Variants in MAN1C1 observed in about 807,000 individuals in gnomAD.
The protein encoded by MAN1C1 is mannosidase alpha class 1C member 1.
In MAN1C1, 49 loss-of-function variants were observed where a neutral mutation model predicts 71.5. The ratio of observed to expected loss-of-function variants is 0.69; its 90% CI spans 0.54 to 0.87. The LOEUF is 0.87. Among genes scored for constraint, MAN1C1 ranks in the 40% least tolerant of loss-of-function variants. MAN1C1 has a pLI of 0.00. For synonymous variants in MAN1C1, 352 were observed against 343.7 expected, an observed-to-expected ratio of 1.02 and a Z score of -0.27; for missense variants, 743 against 835.0, an observed-to-expected ratio of 0.89 and a Z score of 1.36.
intron 1 of MAN1C1, among the ~76,000 whole-genome samples, chr1:25,647,959 T>A (rs949234498): frequency 2.0e-5 from 3 of 152,074 alleles, no homozygotes; most frequent in African/African-American, 7.2e-5. Context: ...AGGGCTATCC[T>A]CCCACCCCTT....
At chr1:25,652,506 G>A (rs1557749834) in intron 1 of MAN1C1, among the ~76,000 whole-genome samples, 3 of 152,216 alleles carry the variant, frequency 2.0e-5, no homozygotes, top group Non-Finnish European at 2.9e-5. Flanking sequence ...GCATGGGGCC[G>A]AGTTGCTGGC....
At chr1:25,661,896 T>G (rs1271295183) in intron 1 of MAN1C1, among the ~76,000 whole-genome samples, 1 of 152,238 alleles carries the variant, frequency 6.6e-6, no homozygotes, top group Non-Finnish European at 1.5e-5. Flanking sequence ...CATCAGGTGC[T>G]ATAAGCTCTA....
chr1:25,769,253 GAC>G lies in MAN1C1; in HGVS notation c.1142-2393_1142-2392del, dbSNP rs142062930. ...TCATACACTACACACCACACTCCTT[GAC>G]ACACACACACTCTCCCTACACACAC... On this transcript the variant is annotated intron_variant, in intron 7 of 11. Coordinates refer to ENST00000374332, the MANE Select transcript of MAN1C1 (RefSeq NM_020379.4). This position sits in a 1 kb window ranked among gnomAD's most constrained non-coding sequence, Gnocchi z 4.8. 4.9e-3 allele frequency among the ~76,000 whole-genome samples: 709 copies of G among 145,922 alleles called. 3 individuals are homozygous for G. Among genetic ancestry groups the G allele is most frequent in the African/African-American group, 0.014 (542 of 39,706 alleles).
intron 2 of MAN1C1, among the ~76,000 whole-genome samples, chr1:25,707,483 A>G (rs1226933240): frequency 6.6e-6 from 1 of 152,248 alleles, no homozygotes; most frequent in Non-Finnish European, 1.5e-5. Flanking sequence ...GGGCTTTTAA[A>G]GGGTGCAGAC....
intron 1 of MAN1C1, among the ~76,000 whole-genome samples, chr1:25,671,745 C>CA (rs1388171402): frequency 6.6e-6 from 1 of 152,196 alleles, no homozygotes. Context: ...CACAAAAACT[C>CA]AGTGACTTAG....
intron 2 of MAN1C1, among the ~76,000 whole-genome samples, chr1:25,691,280 G>A (rs1483557396): frequency 6.6e-6 from 1 of 152,110 alleles, no homozygotes; most frequent in Non-Finnish European, 1.5e-5. Flanking sequence ...TCGCGCCACT[G>A]CCCTCCAGCC....
Position 25,783,735 on chromosome 1 carries a change from C to T in MAN1C1, c.1839C>T (p.His613=), listed in dbSNP as rs1276853525. ...LEDWVFNTEA[H]PLPVNHSDSS... is the part of the protein sequence containing the mutation. ...ACTGGGTGTTCAACACCGAGGCCCA[C>T]CCACTCCCGGTGAACCACTCAGACA... Residue 613 remains histidine (H), a synonymous_variant, in exon 12 of 12, where the codon CAC becomes CAT. Transcript: ENST00000374332. 6.2e-7 allele frequency: 1 copy of T among 1,613,296 alleles called. No individual in the cohort carries two copies. The highest frequency in any genetic ancestry group is 8.5e-7 in the Non-Finnish European group (1 of 1,180,028).
chr1:25,714,002 G>C (rs2046647442), intron 2 of MAN1C1, among the ~76,000 whole-genome samples: 1 of 152,102 alleles, frequency 6.6e-6, no homozygotes, highest in African/African-American at 2.4e-5. Flanking sequence ...ATTTTTAAAA[G>C]GGGAAAAAAA....
intron 1 of MAN1C1, among the ~76,000 whole-genome samples, chr1:25,622,797 A>G (rs2045234420): frequency 6.6e-6 from 1 of 152,232 alleles, no homozygotes; most frequent in African/African-American, 2.4e-5. Flanking sequence ...CAGTGTCTGA[A>G]TAAGTCATCT....
At position 25,676,794 on chromosome 1, in the gene MAN1C1, C is replaced by G. The variant is rs375942890; in HGVS notation, c.541-9646C>G. ...GGTTCTGGGTCACTGCCAGAGCCAGCCTTGTGTGTATGTGTGTGATTTTTT... is the reference window on the plus strand; with the variant it reads ...GGTTCTGGGTCACTGCCAGAGCCAGGCTTGTGTGTATGTGTGTGATTTTTT... On this transcript the variant is annotated intron_variant, in intron 1 of 11. Transcript: ENST00000374332. Among the ~76,000 whole-genome samples the G allele has an allele frequency of 4.6e-5, 7 of 152,268 alleles. No individual in the cohort carries two copies. The East Asian group carries it at 7.7e-4, about 17-fold the overall frequency.
At chr1:25,653,481 G>A (rs1033318817) in intron 1 of MAN1C1, among the ~76,000 whole-genome samples, 2 of 152,166 alleles carry the variant, frequency 1.3e-5, no homozygotes, top group African/African-American at 2.4e-5. Flanking sequence ...GTGACTACTC[G>A]TGTGGCCCTA....
chr1:25,781,449 A>T (rs1369452865), intron 10 of MAN1C1, among the ~76,000 whole-genome samples: 2 of 152,140 alleles, frequency 1.3e-5, no homozygotes, highest in Non-Finnish European at 2.9e-5. Context: ...CCGCTGTCCC[A>T]ACAGACGCTT....
At chr1:25,740,749 T>TA (rs998653789) in intron 2 of MAN1C1, among the ~76,000 whole-genome samples, 3 of 151,916 alleles carry the variant, frequency 2.0e-5, no homozygotes, top group Admixed American at 2.0e-4. Context: ...TTGAATTTTT[T>TA]AAAAAATCTC....
At chr1:25,774,609 C>T (rs551306043) in intron 8 of MAN1C1, among the ~76,000 whole-genome samples, 1 of 152,316 alleles carries the variant, frequency 6.6e-6, no homozygotes, top group South Asian at 2.1e-4. Flanking sequence ...AATATCCTCT[C>T]CTTTAATCCT....
In MAN1C1 at chr1:25,617,026, C is replaced by G. The variant is rs2045108054; in HGVS notation, c.-772C>G. 6.6e-6 allele frequency among the ~76,000 whole-genome samples: 1 copy of G among 151,778 alleles called. No individual in the cohort carries two copies. The highest frequency in any genetic ancestry group is 6.6e-5 in the Admixed American group (1 of 15,256). Reference sequence around the variant, plus strand: ...CCCTGCCGAGTTCGAGGGGCGGGAGCCCGCGCTCCCGGGCGCATCTGCAGC... The same window carrying G: ...CCCTGCCGAGTTCGAGGGGCGGGAGGCCGCGCTCCCGGGCGCATCTGCAGC... On this transcript the variant is annotated 5_prime_UTR_variant, in exon 1 of 12. Coordinates refer to ENST00000374332, the MANE Select transcript of MAN1C1 (RefSeq NM_020379.4). The surrounding 1 kb of genome is among the most constrained non-coding windows in gnomAD (Gnocchi z 5.1).
intron 2 of MAN1C1, among the ~76,000 whole-genome samples, chr1:25,740,955 G>A (rs1386330668): frequency 6.6e-6 from 1 of 152,052 alleles, no homozygotes; most frequent in Non-Finnish European, 1.5e-5. Context: ...AGGATTTGCT[G>A]CAGGACTGGA....
At chr1:25,732,184 C>T (rs756325461) in intron 2 of MAN1C1, among the ~76,000 whole-genome samples, 4 of 152,098 alleles carry the variant, frequency 2.6e-5, no homozygotes, top group Non-Finnish European at 5.9e-5. Context: ...TGCAGGGGGG[C>T]CTTGCTCCAG....
At position 25,778,385 on chromosome 1, in the gene MAN1C1, G is replaced by A; in HGVS notation, c.1477+61G>A. 6.6e-7 allele frequency: 1 copy of A among 1,510,728 alleles called. No individual in the cohort carries two copies. Among genetic ancestry groups the A allele is most frequent in the South Asian group, 1.2e-5 (1 of 80,074 alleles). The allele number at this position is 1,510,728 out of a possible 1,614,324, so 93.6% of individuals were successfully genotyped here. The stretch of plus-strand genomic sequence containing the variant: ...TGAGGCTAGACACCAGGAAGAACTG[G>A]AAAGACCGGCAGCAGTGAGCGAAGG... On this transcript the variant is annotated intron_variant, in intron 9 of 11. Coordinates refer to ENST00000374332, the MANE Select transcript of MAN1C1 (RefSeq NM_020379.4). This position sits in a 1 kb window ranked among gnomAD's most constrained non-coding sequence, Gnocchi z 5.5.
chr1:25,644,741 G>C (rs1295424937), intron 1 of MAN1C1: 1 of 151,768 alleles, frequency 6.6e-6, no homozygotes, highest in Non-Finnish European at 1.5e-5. Flanking sequence ...GCCTGGTTTT[G>C]AACTCTTGGG....
Sources: allele counts gnomAD v4.1 joint callset (sites outside exome capture counted in the v4.1 genomes callset), GRCh38; gene constraint gnomAD v4.1.1; non-coding constraint Gnocchi (gnomAD v3.1); transcripts MANE v1.5; gene names NCBI Gene and HGNC (gene_info 2026-07-23, HGNC 2026-07-21).